Variants in COL4A4 observed in about 807,000 individuals in gnomAD.
COL4A4 encodes collagen alpha-4(IV) chain.
COL4A4 carries 105 observed loss-of-function variants against 192.9 expected under a neutral mutation model. The ratio of observed to expected loss-of-function variants is 0.54; its 90% CI spans 0.46 to 0.64. The LOEUF (loss-of-function observed/expected upper bound fraction) is 0.64. Ranked by LOEUF, COL4A4 falls within the 30% of genes least tolerant of loss-of-function variation. The pLI, the probability that COL4A4 is intolerant of heterozygous loss-of-function variation, is 0.00. For missense variants in COL4A4, 1,967 were observed against 2,169.3 expected, an observed-to-expected ratio of 0.91 and a Z score of 1.85; for synonymous variants, 762 against 769.9, an observed-to-expected ratio of 0.99 and a Z score of 0.17.
the COL4A4 span, among the ~76,000 whole-genome samples, chr2:226,968,715 G>C: frequency 6.6e-6 from 1 of 152,230 alleles, no homozygotes; most frequent in African/African-American, 2.4e-5. Context: ...AAGTGGGGCA[G>C]TTGGCATTCT....
At chr2:227,068,045 G>A (rs1453811201) in intron 25 of COL4A4, among the ~76,000 whole-genome samples, 26 of 145,404 alleles carry the variant, frequency 1.8e-4, no homozygotes, top group African/African-American at 4.1e-4. Flanking sequence ...TATCACCACC[G>A]ATCCCACAGA....
intron 20 of COL4A4, among the ~76,000 whole-genome samples, chr2:227,092,874 G>A (rs1376860878): frequency 6.6e-6 from 1 of 152,202 alleles, no homozygotes; most frequent in Non-Finnish European, 1.5e-5. Context: ...GTAAAGGAAA[G>A]TCAAAAGATA....
At chr2:227,146,771 T>C (rs1300336096) in intron 2 of COL4A4, among the ~76,000 whole-genome samples, 1 of 152,162 alleles carries the variant, frequency 6.6e-6, no homozygotes, top group Non-Finnish European at 1.5e-5. Context: ...GAGCCAGCAG[T>C]GGCCAGTTGC....
chr2:227,045,781 TACATATATATATATA>T, intron 35 of COL4A4, among the ~76,000 whole-genome samples: 1 of 78,698 alleles, frequency 1.3e-5, no homozygotes, highest in African/African-American at 8.1e-5. Context: ...AAAAAAAAAA[TACATATATATATATA>T]TACACATATA....
intron 1 of COL4A4, among the ~76,000 whole-genome samples, chr2:227,163,689 G>A (rs758844475): frequency 5.3e-5 from 8 of 152,220 alleles, no homozygotes; most frequent in Non-Finnish European, 1.0e-4. Flanking sequence ...GATTTGGCCT[G>A]AAAAGCAGTT....
At chr2:227,033,161 T>A (rs1221461701) in intron 38 of COL4A4, among the ~76,000 whole-genome samples, 1 of 152,194 alleles carries the variant, frequency 6.6e-6, no homozygotes, top group East Asian at 1.9e-4. Flanking sequence ...GACAGAAAAT[T>A]CCAAGCAATA....
At position 227,111,712 on chromosome 2, in the gene COL4A4, C is replaced by A. The variant is rs1464679930; in HGVS notation, c.560G>T (p.Gly187Val). ...FILGAVKGIQ[G>V]DRGDPGLPGL... ...AGGCAGTCCTGGGTCCCCTCTGTCT[C>A]CCTGCAAAAATAAGAATGCATTGCT... Residue 187 changes from glycine (G) to valine (V), a missense_variant and splice_region_variant, in exon 9 of 48, where the codon GGA becomes GTA. Physicochemically the swap from Gly to Val is moderately radical, Grantham distance 109. Coordinates refer to ENST00000396625, the MANE Select transcript of COL4A4 (RefSeq NM_000092.5). The A allele has an allele frequency of 1.2e-6, 2 of 1,613,988 alleles. No individual in the cohort carries two copies. Among genetic ancestry groups the A allele is most frequent in the African/African-American group, 1.3e-5 (1 of 75,008 alleles).
intron 45 of COL4A4, among the ~76,000 whole-genome samples, chr2:227,010,947 C>A (rs547461682): frequency 6.6e-6 from 1 of 152,338 alleles, no homozygotes; most frequent in African/African-American, 2.4e-5. Flanking sequence ...GTCTTTCTTA[C>A]ACCTCCCAGA....
chr2:227,052,627 G>C (rs1974363014), intron 31 of COL4A4, among the ~76,000 whole-genome samples: 1 of 152,180 alleles, frequency 6.6e-6, no homozygotes, highest in African/African-American at 2.4e-5. Flanking sequence ...CACAGAGTCT[G>C]GTGTGCCAGG....
At chr2:227,050,203 G>T in intron 33 of COL4A4, 72 bp from the exon 34 acceptor site, 1 of 1,392,088 alleles carries the variant, frequency 7.2e-7, no homozygotes, top group Non-Finnish European at 1.0e-6. Flanking sequence ...ACACGATCCA[G>T]TTGTAATTTT....
At chr2:227,160,952 G>A (rs1394437587) in intron 1 of COL4A4, among the ~76,000 whole-genome samples, 9 of 152,198 alleles carry the variant, frequency 5.9e-5, no homozygotes, top group Non-Finnish European at 1.2e-4. Context: ...AAAAGGAAAA[G>A]GATGGCTAAG....
intron 17 of COL4A4, among the ~76,000 whole-genome samples, chr2:227,100,670 A>G (rs2060458265): frequency 6.6e-6 from 1 of 152,152 alleles, no homozygotes; most frequent in African/African-American, 2.4e-5. Context: ...ACAGATAACA[A>G]GGGACAACTG....
intron 47 of COL4A4, 95 bp downstream of exon 47, chr2:227,007,923 G>A (rs1013161257): frequency 4.2e-5 from 61 of 1,467,376 alleles, no homozygotes; most frequent in Non-Finnish European, 5.4e-5. Context: ...TAAGCGCAGA[G>A]TGCTCAGAAT....
intron 22 of COL4A4, among the ~76,000 whole-genome samples, chr2:227,085,165 A>T (rs553291625): frequency 2.1e-4 from 31 of 146,482 alleles, no homozygotes; most frequent in Admixed American, 6.9e-4. Flanking sequence ...AACAAAAAAA[A>T]CACTTCCTCT....
chr2:227,112,250 A>G (rs1049834423), intron 8 of COL4A4, among the ~76,000 whole-genome samples: 6 of 151,314 alleles, frequency 4.0e-5, no homozygotes, highest in African/African-American at 1.5e-4. Flanking sequence ...AATATATGTA[A>G]GTTAAAATAT....
chr2:227,072,725 AG>A (rs2058793319), intron 25 of COL4A4, among the ~76,000 whole-genome samples: 1 of 152,044 alleles, frequency 6.6e-6, no homozygotes, highest in East Asian at 1.9e-4. Context: ...TTTTCATCCC[AG>A]GGATGTAGGG....
intron 20 of COL4A4, among the ~76,000 whole-genome samples, 166 bp from the exon 21 acceptor site, chr2:227,090,123 A>C (rs964605382): frequency 3.3e-5 from 5 of 152,170 alleles, no homozygotes; most frequent in African/African-American, 1.2e-4. Context: ...TGAAATAAGA[A>C]TATACACACA....
chr2:226,980,039 C>T, the COL4A4 span, among the ~76,000 whole-genome samples: 1 of 152,042 alleles, frequency 6.6e-6, no homozygotes, highest in African/African-American at 2.4e-5. Flanking sequence ...GTGTGACTAA[C>T]CAGAGGGATA....
At chr2:227,135,331 G>C (rs1319332381) in intron 4 of COL4A4, among the ~76,000 whole-genome samples, 1 of 152,168 alleles carries the variant, frequency 6.6e-6, no homozygotes. Flanking sequence ...CCTCCCCTCA[G>C]CCTGGAGCTC....
Sources: allele counts gnomAD v4.1 joint callset (sites outside exome capture counted in the v4.1 genomes callset), GRCh38; gene constraint gnomAD v4.1.1; transcripts MANE v1.5; gene names NCBI Gene and HGNC (gene_info 2026-07-23, HGNC 2026-07-21).